Variants in MSRB3 observed in about 807,000 individuals in gnomAD.
The protein encoded by MSRB3 is methionine-R-sulfoxide reductase B3.
Under a neutral mutation model 21.0 loss-of-function variants are expected in MSRB3, and 13 were observed. The ratio of observed to expected loss-of-function variants is 0.62; its 90% CI spans 0.40 to 0.98. The LOEUF (loss-of-function observed/expected upper bound fraction) is 0.98. Ranked by LOEUF, MSRB3 falls within the 50% of genes least tolerant of loss-of-function variation. The pLI is 0.00. For missense variants in MSRB3, 199 were observed against 230.3 expected (o/e 0.86, Z 0.88); for synonymous variants, 87 against 88.6 (o/e 0.98, Z 0.10).
At chr12:65,403,790 C>A (rs576615433) in intron 5 of MSRB3, among the ~76,000 whole-genome samples, 2 of 152,304 alleles carry the variant, frequency 1.3e-5, no homozygotes, top group South Asian at 2.1e-4. Flanking sequence ...GGAAAACACG[C>A]AGTATCTGTG....
chr12:65,399,312 G>A (rs1879988273), intron 5 of MSRB3, among the ~76,000 whole-genome samples: 1 of 152,102 alleles, frequency 6.6e-6, no homozygotes, highest in South Asian at 2.1e-4. Flanking sequence ...TCCTTGACAG[G>A]GTCCTTCACA....
Position 65,373,701 on chromosome 12 carries a change from A to G in MSRB3, c.292+4675A>G, listed in dbSNP as rs185166811. 7.2e-5 allele frequency among the ~76,000 whole-genome samples: 11 copies of G among 152,330 alleles called. No individual in the cohort carries two copies. In the East Asian group the frequency reaches 7.7e-4, roughly 11 times the overall value. ...TTAAGAAACCTAATGAGCATGGTTT[A>G]GTGTGCGGAGTTGAGGAGGGAGCTC... is the stretch of plus-strand genomic sequence containing the variant. On this transcript the variant is annotated intron_variant, in intron 5 of 6. Coordinates refer to ENST00000308259, the MANE Select transcript of MSRB3 (RefSeq NM_001031679.3).
chr12:65,436,538 C>T (rs1242221155), intron 5 of MSRB3, among the ~76,000 whole-genome samples: 1 of 151,704 alleles, frequency 6.6e-6, no homozygotes, highest in African/African-American at 2.4e-5. Context: ...GGGTCTGGAA[C>T]AACAATAAAA....
chr12:65,443,658 G>T (rs1478012438), intron 5 of MSRB3, among the ~76,000 whole-genome samples: 3 of 152,022 alleles, frequency 2.0e-5, no homozygotes, highest in Non-Finnish European at 4.4e-5. Context: ...TGGCTTATAG[G>T]CAGTCATCAT....
At chr12:65,346,708 T>C (rs919848610) in intron 4 of MSRB3, among the ~76,000 whole-genome samples, 18 of 152,222 alleles carry the variant, frequency 1.2e-4, no homozygotes, top group African/African-American at 4.3e-4. Flanking sequence ...CTAGGGTTTT[T>C]ATGATTTTAG....
intron 5 of MSRB3, among the ~76,000 whole-genome samples, chr12:65,384,593 A>C (rs1406237280): frequency 2.0e-5 from 3 of 152,162 alleles, no homozygotes; most frequent in Non-Finnish European, 2.9e-5. Context: ...TACAACTAGT[A>C]AAATATTATA....
chr12:65,328,203 CA>C, intron 3 of MSRB3, among the ~76,000 whole-genome samples: 1 of 152,074 alleles, frequency 6.6e-6, no homozygotes, highest in East Asian at 1.9e-4. Flanking sequence ...TGTAAAGTAG[CA>C]AAATCTTATG....
At chr12:65,340,579 T>C (rs1034253930) in intron 4 of MSRB3, among the ~76,000 whole-genome samples, 4 of 152,020 alleles carry the variant, frequency 2.6e-5, no homozygotes, top group African/African-American at 7.2e-5. Context: ...GAGAAAATCT[T>C]AAAAACATCC....
intron 5 of MSRB3, among the ~76,000 whole-genome samples, chr12:65,387,321 A>AT (rs934897871): frequency 1.3e-5 from 2 of 151,828 alleles, no homozygotes; most frequent in Non-Finnish European, 2.9e-5. Context: ...TGTGTGTAGT[A>AT]TTTTTTTTCC....
At chr12:65,313,452 AG>A (rs1057166070) in intron 2 of MSRB3, among the ~76,000 whole-genome samples, 1 of 152,134 alleles carries the variant, frequency 6.6e-6, no homozygotes, top group African/African-American at 2.4e-5. Flanking sequence ...CAACCTACAT[AG>A]TGCTTTGATA....
intron 1 of MSRB3, among the ~76,000 whole-genome samples, chr12:65,292,898 G>GA (rs1872741457): frequency 6.6e-6 from 1 of 150,906 alleles, no homozygotes; most frequent in African/African-American, 2.4e-5. Flanking sequence ...ATTCCAATCA[G>GA]AAAAAAGAAA....
intron 5 of MSRB3, among the ~76,000 whole-genome samples, chr12:65,432,608 A>G (rs1226137566): frequency 6.6e-6 from 1 of 151,824 alleles, no homozygotes; most frequent in Non-Finnish European, 1.5e-5. Flanking sequence ...ATCTGGCATT[A>G]CAGCCTGTCT....
chr12:65,406,578 GA>G (rs1565877495), intron 5 of MSRB3, among the ~76,000 whole-genome samples: 1 of 152,096 alleles, frequency 6.6e-6, no homozygotes, highest in Admixed American at 6.6e-5. Flanking sequence ...CACAGAAATA[GA>G]AAAAATAACC....
intron 4 of MSRB3, among the ~76,000 whole-genome samples, chr12:65,365,193 T>A (rs1877939738): frequency 6.6e-6 from 1 of 152,166 alleles, no homozygotes; most frequent in South Asian, 2.1e-4. Context: ...ATACTACACC[T>A]TTTTAATAAT....
chr12:65,354,206 G>A (rs1178504880), intron 4 of MSRB3, among the ~76,000 whole-genome samples: 1 of 151,914 alleles, frequency 6.6e-6, no homozygotes, highest in East Asian at 2.0e-4. Context: ...TATGTGTCTT[G>A]GAGTTGCTCT....
intron 5 of MSRB3, chr12:65,419,468 G>A (rs1010576560): frequency 4.0e-6 from 3 of 743,940 alleles, no homozygotes; most frequent in African/African-American, 1.7e-5. Flanking sequence ...ACCTTGCAGA[G>A]CCCATAGATG....
intron 2 of MSRB3, among the ~76,000 whole-genome samples, chr12:65,321,034 A>G (rs1328628912): frequency 6.6e-6 from 1 of 152,012 alleles, no homozygotes; most frequent in Non-Finnish European, 1.5e-5. Flanking sequence ...CTCAAATATC[A>G]CCTCAGTGAG....
In MSRB3 at chr12:65,356,579, T is replaced by G. The variant is rs144688165; in HGVS notation, c.264-12419T>G. Among the ~76,000 whole-genome samples the G allele has an allele frequency of 8.1e-3, 1,231 of 151,914 alleles. 18 individuals carry two copies. Among genetic ancestry groups the G allele is most frequent in the African/African-American group, 0.029 (1,190 of 41,484 alleles). On this transcript the variant is annotated intron_variant, in intron 4 of 6. Transcript: ENST00000308259. Reference sequence around the variant, plus strand: ...GAGGGGACATATTTTACTTCCTCATTAGGCAAAAAGTTACTTTGGAAATTA... The same window carrying G: ...GAGGGGACATATTTTACTTCCTCATGAGGCAAAAAGTTACTTTGGAAATTA...
At position 65,459,835 on chromosome 12, in the gene MSRB3, C is replaced by A. The variant is rs1883244182; in HGVS notation, c.391-3320C>A. Among the ~76,000 whole-genome samples, 4 of 152,236 alleles carry A rather than the reference C, an allele frequency of 2.6e-5. No homozygotes were observed. The South Asian group carries it at 8.3e-4, about 32-fold the overall frequency. On this transcript the variant is annotated intron_variant, in intron 6 of 6. Coordinates refer to ENST00000308259, the MANE Select transcript of MSRB3 (RefSeq NM_001031679.3). ...TATGTATACAATTGAGAACTGCAGT[C>A]AGATTTTAAGGAATTATGTTAAACT...
Sources: allele counts gnomAD v4.1 joint callset (sites outside exome capture counted in the v4.1 genomes callset), GRCh38; gene constraint gnomAD v4.1.1; transcripts MANE v1.5; gene names NCBI Gene and HGNC (gene_info 2026-07-23, HGNC 2026-07-21).